DYSF: variants seen among roughly 807,000 people sequenced by gnomAD.
The protein encoded by DYSF is dystrophy-associated fer-1-like 1.
DYSF carries 212 observed loss-of-function variants against 274.9 expected under a neutral mutation model. The observed-to-expected ratio is 0.77, with a 90% CI of 0.69 to 0.86. DYSF has a LOEUF of 0.86. DYSF is among the 40% of genes least tolerant of loss of function. DYSF has a pLI of 0.00. For missense variants in DYSF, 2,666 were observed against 2,783.2 expected (o/e 0.96, Z 0.95); for synonymous variants, 1,091 against 1,078.7 (o/e 1.01, Z -0.22).
rs529619585 is a variant in DYSF, at chr2:71,570,042, G to T, written c.2979+108G>T. 5 of 1,173,882 alleles carry T rather than the reference G, an allele frequency of 4.3e-6. 1 individual carries two copies. In the South Asian group the frequency reaches 6.4e-5, roughly 15 times the overall value. 72.7% of individuals were successfully genotyped at this position (1,173,882 alleles called of 1,614,324 possible). A position where few individuals can be genotyped will look rare whatever the true frequency, so the allele number is the denominator to read the frequency against. ...TTTCTCTTTGCCCCCTCTTACCTCC[G>T]GAGACTTCATGCTTTGATTTCCAAA... On this transcript the variant is annotated intron_variant, in intron 27 of 55. Coordinates refer to ENST00000410020, the MANE Select transcript of DYSF (RefSeq NM_001130987.2).
chr2:71,490,403 G>A (rs957121974), intron 3 of DYSF, among the ~76,000 whole-genome samples: 3 of 152,082 alleles, frequency 2.0e-5, no homozygotes, highest in Non-Finnish European at 2.9e-5. Context: ...GCAATGGCAC[G>A]ATCTCAGCTC....
chr2:71,532,341 G>C (rs1417950265), intron 14 of DYSF, among the ~76,000 whole-genome samples: 3 of 152,292 alleles, frequency 2.0e-5, no homozygotes, highest in African/African-American at 7.2e-5. Context: ...TTAAGTATTT[G>C]ATACAGATGG....
At chr2:71,469,783 A>T (rs1214886791) in intron 1 of DYSF, among the ~76,000 whole-genome samples, 1 of 152,232 alleles carries the variant, frequency 6.6e-6, no homozygotes, top group Non-Finnish European at 1.5e-5. Context: ...TAAAACTACC[A>T]TGAGTAACTG....
In DYSF at chr2:71,503,226, A is replaced by C; in HGVS notation, c.252A>C (p.Glu84Asp). 1 of 1,613,996 alleles carries C rather than the reference A, an allele frequency of 6.2e-7. No individual in the cohort carries two copies. The highest frequency in any genetic ancestry group is 2.2e-5 in the East Asian group (1 of 44,866). ...ETMGRNRFLG[E>D]AKVPLREVLA... ...TCTCTCCTCTCAGGTTCCTGGGGGA[A>C]GCCAAGGTCCCACTCCGAGAGGTCC... The change falls in exon 4 of 56, where the codon GAA becomes GAC. Residue 84 changes from glutamate to aspartate, a missense_variant. Physicochemically the swap from Glu to Asp is conservative, Grantham distance 45 (BLOSUM62 2). Around this residue, in one of 3 missense-constraint regions of DYSF, gnomAD observed 794 missense variants for 777.1 expected, o/e 1.02. Transcript: ENST00000410020.
chr2:71,527,191 C>T (rs969174036), intron 13 of DYSF, among the ~76,000 whole-genome samples: 1 of 152,152 alleles, frequency 6.6e-6, no homozygotes, highest in Non-Finnish European at 1.5e-5. Context: ...TTAAAGGCTC[C>T]CCAGGTTGTT....
At chr2:71,680,856 A>T in intron 53 of DYSF, 145 bp from the exon 54 acceptor site, 1 of 703,688 alleles carries the variant, frequency 1.4e-6, no homozygotes, top group Non-Finnish European at 2.5e-6. Flanking sequence ...TTTTACAAAG[A>T]GCAGGTGCTG....
intron 36 of DYSF, among the ~76,000 whole-genome samples, chr2:71,606,368 T>C (rs537828587): frequency 1.3e-5 from 2 of 152,148 alleles, no homozygotes; most frequent in Admixed American, 1.3e-4. Context: ...TGGTCAAATG[T>C]GGCTTCCTCT....
intron 42 of DYSF, among the ~76,000 whole-genome samples, chr2:71,649,020 A>T (rs766449443): frequency 2.0e-5 from 3 of 151,870 alleles, no homozygotes; most frequent in Admixed American, 6.6e-5. Flanking sequence ...ACTTCAGCTA[A>T]CCTGGGAAGT....
At chr2:71,502,386 G>A (rs2085069635) in intron 3 of DYSF, among the ~76,000 whole-genome samples, 1 of 151,928 alleles carries the variant, frequency 6.6e-6, no homozygotes, top group African/African-American at 2.4e-5. Flanking sequence ...TAATGTTCAG[G>A]GTAAGTCCAT....
chr2:71,669,473 G>A, intron 50 of DYSF, 132 bp from the exon 51 acceptor site: 1 of 1,182,494 alleles, frequency 8.5e-7, no homozygotes, highest in Non-Finnish European at 1.2e-6. Flanking sequence ...TGTACATCGT[G>A]CCGATTTCCT....
At position 71,679,945 on chromosome 2, in the gene DYSF, C is replaced by A. The variant is rs567729193; in HGVS notation, c.6063+710C>A. Among the ~76,000 whole-genome samples, 5 of 152,288 alleles carry A rather than the reference C, an allele frequency of 3.3e-5. No individual in the cohort carries two copies. In the East Asian group the frequency reaches 7.7e-4, roughly 23 times the overall value. On this transcript the variant is annotated intron_variant, in intron 53 of 55. Transcript: ENST00000410020. ...AAATAAAGGGATACAGTAGTCCCCC[C>A]CTTATCTGGAGGAGATATGTTCCAA...
intron 23 of DYSF, 119 bp from the exon 24 acceptor site, chr2:71,563,939 G>A: frequency 3.5e-6 from 5 of 1,409,238 alleles, no homozygotes; most frequent in Non-Finnish European, 5.0e-6. Context: ...TGTGTGGGAT[G>A]GAAGCTGGGA....
chr2:71,462,402 G>A (rs2152634090), upstream of DYSF, among the ~76,000 whole-genome samples: 1 of 152,314 alleles, frequency 6.6e-6, no homozygotes, highest in South Asian at 2.1e-4. Context: ...GCCCCAAAGA[G>A]GGTGTCACAG....
intron 3 of DYSF, among the ~76,000 whole-genome samples, chr2:71,502,088 T>C (rs2085037999): frequency 1.9e-5 from 1 of 53,648 alleles, no homozygotes; most frequent in Non-Finnish European, 5.1e-5. Flanking sequence ...TCTGTGTGTG[T>C]GTGTGTGTGT....
At chr2:71,472,765 T>C (rs1163090961) in intron 1 of DYSF, among the ~76,000 whole-genome samples, 1 of 152,274 alleles carries the variant, frequency 6.6e-6, no homozygotes, top group Non-Finnish European at 1.5e-5. Flanking sequence ...CCTATTCGTA[T>C]TTATTCTTAC....
chr2:71,554,006 A>G, intron 21 of DYSF, 75 bp downstream of exon 21: 1 of 1,603,576 alleles, frequency 6.2e-7, no homozygotes, highest in South Asian at 1.1e-5. Flanking sequence ...GGTGTCTCAG[A>G]CCACCACCCA....
At chr2:71,535,871 A>G (rs1375819415) in intron 16 of DYSF, among the ~76,000 whole-genome samples, 3 of 152,192 alleles carry the variant, frequency 2.0e-5, no homozygotes, top group Non-Finnish European at 4.4e-5. Flanking sequence ...AGCACCTACT[A>G]TACACCAAAC....
At chr2:71,658,524 A>G (rs2094817209) in intron 43 of DYSF, among the ~76,000 whole-genome samples, 1 of 152,196 alleles carries the variant, frequency 6.6e-6, no homozygotes, top group East Asian at 1.9e-4. Flanking sequence ...CATACCCAAG[A>G]CTTGGAAGAA....
At chr2:71,453,946 C>T in exon 1 of DYSF, 1 of 1,597,056 alleles carries the variant, frequency 6.3e-7, no homozygotes, top group South Asian at 1.1e-5. Flanking sequence ...CCCTCCCGAC[C>T]TTTCCGAGCC....
Sources: allele counts gnomAD v4.1 joint callset (sites outside exome capture counted in the v4.1 genomes callset), GRCh38; gene constraint gnomAD v4.1.1; regional missense constraint gnomAD v4.1.1; transcripts MANE v1.5; gene names NCBI Gene and HGNC (gene_info 2026-07-23, HGNC 2026-07-21).